PLXNA4: variants seen among roughly 807,000 people sequenced by gnomAD.
PLXNA4 encodes plexin-A4.
A neutral mutation model predicts 191.8 loss-of-function variants in PLXNA4; 44 were observed. The ratio of observed to expected loss-of-function variants is 0.23; its 90% CI spans 0.18 to 0.29. The LOEUF is 0.29. Among genes scored for constraint, PLXNA4 ranks in the 10% least tolerant of loss-of-function variants. The pLI is 1.00. For synonymous variants in PLXNA4, 1,082 were observed against 1,009.5 expected, an observed-to-expected ratio of 1.07 and a Z score of -1.36; for missense variants, 1,800 against 2,488.8, an observed-to-expected ratio of 0.72 and a Z score of 5.89.
chr7:132,355,991 G>A (rs1229897494), intron 3 of PLXNA4, among the ~76,000 whole-genome samples: 1 of 152,118 alleles, frequency 6.6e-6, no homozygotes, highest in Non-Finnish European at 1.5e-5. Flanking sequence ...GGAAGAGCGA[G>A]GAGGGGGTTT....
chr7:132,162,992 C>G (rs1795995356), intron 24 of PLXNA4, among the ~76,000 whole-genome samples: 1 of 152,190 alleles, frequency 6.6e-6, no homozygotes, highest in African/African-American at 2.4e-5. Flanking sequence ...AATGCCCCAG[C>G]CTGCTGTGGC....
intron 21 of PLXNA4, among the ~76,000 whole-genome samples, chr7:132,174,174 A>C (rs970010711): frequency 6.6e-6 from 1 of 152,200 alleles, no homozygotes; most frequent in South Asian, 2.1e-4. Flanking sequence ...TTATCTCTGT[A>C]AGCCATTCCA....
chr7:132,251,338 C>T (rs992173253), intron 4 of PLXNA4, among the ~76,000 whole-genome samples: 1 of 152,160 alleles, frequency 6.6e-6, no homozygotes, highest in Admixed American at 6.5e-5. Flanking sequence ...GAACTGGGAC[C>T]GGGAACCTAC....
At chr7:132,385,337 C>A in intron 3 of PLXNA4, 1 of 1,570,792 alleles carries the variant, frequency 6.4e-7, no homozygotes, top group South Asian at 1.2e-5. Context: ...CCATGGTGCA[C>A]AAGATATGCC....
intron 1 of PLXNA4, among the ~76,000 whole-genome samples, chr7:132,558,156 C>T (rs960382626): frequency 6.6e-6 from 1 of 152,166 alleles, no homozygotes; most frequent in Non-Finnish European, 1.5e-5. Flanking sequence ...CACAAAAATG[C>T]CCAGACCTGG....
chr7:132,351,617 C>T (rs1031547418), intron 3 of PLXNA4, among the ~76,000 whole-genome samples: 1 of 152,196 alleles, frequency 6.6e-6, no homozygotes, highest in Non-Finnish European at 1.5e-5. Context: ...TACTTCCCAT[C>T]CACCTTCTCC....
intron 4 of PLXNA4, among the ~76,000 whole-genome samples, chr7:132,254,930 G>A (rs544173567): frequency 3.3e-5 from 5 of 152,254 alleles, no homozygotes; most frequent in African/African-American, 9.6e-5. Flanking sequence ...ATAATTGCTG[G>A]CCCTGGGGTG....
At chr7:132,472,957 G>C (rs535146266) in intron 3 of PLXNA4, among the ~76,000 whole-genome samples, 1 of 152,344 alleles carries the variant, frequency 6.6e-6, no homozygotes, top group South Asian at 2.1e-4. Context: ...TTTGAGATGA[G>C]TGACAAACAG....
chr7:132,350,863 T>G (rs996735963), intron 3 of PLXNA4, among the ~76,000 whole-genome samples: 7 of 152,080 alleles, frequency 4.6e-5, no homozygotes, highest in South Asian at 2.1e-4. Flanking sequence ...TTATTCAGAA[T>G]AGCCAAAAAA....
intron 3 of PLXNA4, among the ~76,000 whole-genome samples, chr7:132,396,641 C>T (rs903200460): frequency 2.0e-5 from 3 of 152,194 alleles, no homozygotes; most frequent in African/African-American, 7.2e-5. Flanking sequence ...CAGGTGTGTG[C>T]AACCATGGCC....
intron 3 of PLXNA4, among the ~76,000 whole-genome samples, chr7:132,338,704 T>C (rs1585009929): frequency 1.3e-5 from 2 of 152,290 alleles, no homozygotes. Flanking sequence ...AGTGACCACA[T>C]TATAAATATC....
intron 3 of PLXNA4, among the ~76,000 whole-genome samples, chr7:132,329,328 G>A (rs375459204): frequency 6.6e-6 from 1 of 152,102 alleles, no homozygotes; most frequent in Admixed American, 6.5e-5. Flanking sequence ...GGGAATGCTC[G>A]CCCTCTCCCT....
At chr7:132,543,468 T>G (rs953783461) in intron 1 of PLXNA4, among the ~76,000 whole-genome samples, 7 of 152,228 alleles carry the variant, frequency 4.6e-5, no homozygotes, top group African/African-American at 1.7e-4. Context: ...TTTACCACCT[T>G]ACTAGCTTTC....
chr7:132,534,892 A>G (rs79051329), intron 1 of PLXNA4, among the ~76,000 whole-genome samples: 5,599 of 152,304 alleles, frequency 0.037, 292 homozygotes, highest in African/African-American at 0.11. Flanking sequence ...CACAGTATTT[A>G]GCAAGATATG....
chr7:132,554,363 A>G (rs1351622256), intron 1 of PLXNA4, among the ~76,000 whole-genome samples: 1 of 152,176 alleles, frequency 6.6e-6, no homozygotes, highest in Non-Finnish European at 1.5e-5. Context: ...CACCTCCACA[A>G]GACCAGAGCC....
In PLXNA4 at chr7:132,446,175, T is replaced by C. The variant is rs182365604; in HGVS notation, c.1371+43117A>G. ...AGTGCAAACCCTTTACCGTTGTTGA[T>C]GGTTAAACAAGAAATTGCATGTAGC... On this transcript the variant is annotated intron_variant, in intron 3 of 31. Coordinates refer to ENST00000321063, the MANE Select transcript of PLXNA4 (RefSeq NM_020911.2). 2.7e-4 allele frequency among the ~76,000 whole-genome samples: 41 copies of C among 152,332 alleles called. No individual in the cohort carries two copies. In the South Asian group the frequency reaches 7.9e-3, roughly 29 times the overall value.
At chr7:132,335,025 AT>A (rs1437254812) in intron 3 of PLXNA4, among the ~76,000 whole-genome samples, 5 of 152,168 alleles carry the variant, frequency 3.3e-5, no homozygotes, top group African/African-American at 1.2e-4. Flanking sequence ...CTTTCAAATA[AT>A]TTTTTAAAAA....
intron 2 of PLXNA4, among the ~76,000 whole-genome samples, chr7:132,601,742 T>C (rs890913882): frequency 6.6e-6 from 1 of 152,208 alleles, no homozygotes; most frequent in Non-Finnish European, 1.5e-5. Context: ...TTTTCTGTGG[T>C]GGCAAGAGGG....
At chr7:132,264,314 C>A (rs1037068346) in intron 4 of PLXNA4, 2 of 152,192 alleles carry the variant, frequency 1.3e-5, no homozygotes, top group African/African-American at 4.8e-5. Context: ...ACTAAAATTG[C>A]TTTTATCTTT....
Sources: gnomAD v4.1 joint callset for allele counts (sites outside exome capture counted in the v4.1 genomes callset) on GRCh38, gnomAD v4.1.1 for gene constraint, MANE v1.5 for transcripts, NCBI Gene and HGNC (gene_info 2026-07-23, HGNC 2026-07-21) for gene names.